The following DNAJC1 variants were observed in gnomAD, a reference collection of about 807,000 sequenced individuals.
DNAJC1 encodes DnaJ heat shock protein family (Hsp40) member C1, also known as dnaJ homolog subfamily C member 1.
DNAJC1 carries 58 observed loss-of-function variants against 76.6 expected under a neutral mutation model. The observed-to-expected ratio is 0.76, with a 90% CI of 0.61 to 0.94. DNAJC1 has a LOEUF of 0.94. Ranked by LOEUF, DNAJC1 falls within the 40% of genes least tolerant of loss-of-function variation. DNAJC1 has a pLI of 0.00. For synonymous variants in DNAJC1, 258 were observed against 267.9 expected (o/e 0.96, Z 0.36); for missense variants, 689 against 677.3 (o/e 1.02, Z -0.19).
rs1836714430 is a variant in DNAJC1 at position 21,904,666 on chromosome 10, A to G, written c.730-54T>C. ...ACATAAAAATCAGTGTGCTTCAATA[A>G]TATTTTCCATGTAACTTAACTTTAA... On this transcript the variant is annotated intron_variant, in intron 6 of 11. Transcript: ENST00000376980. 2.7e-6 allele frequency: 3 copies of G among 1,117,820 alleles called. No homozygotes were observed. The Admixed American group carries it at 6.5e-5, about 24-fold the overall frequency. The allele number at this position is 1,117,820 out of a possible 1,614,324, so 69.2% of individuals were successfully genotyped here.
intron 9 of DNAJC1, among the ~76,000 whole-genome samples, chr10:21,779,853 AT>A (rs775098537): frequency 2.0e-5 from 3 of 152,156 alleles, no homozygotes; most frequent in Non-Finnish European, 2.9e-5. Flanking sequence ...TTGAAAAAAG[AT>A]TAGACGAATG....
At chr10:21,835,382 C>T (rs1047387634) in intron 8 of DNAJC1, among the ~76,000 whole-genome samples, 2 of 152,148 alleles carry the variant, frequency 1.3e-5, no homozygotes, top group Admixed American at 1.3e-4. Context: ...GGGAAAAAAA[C>T]AGAGCAGAAA....
At chr10:21,861,011 A>G (rs1409597229) in intron 8 of DNAJC1, 1 of 152,212 alleles carries the variant, frequency 6.6e-6, no homozygotes, top group Non-Finnish European at 1.5e-5. Context: ...TTCTACAGAT[A>G]AAAACTCCAG....
intron 8 of DNAJC1, among the ~76,000 whole-genome samples, chr10:21,816,790 C>A (rs1292020058): frequency 6.2e-5 from 9 of 144,310 alleles, no homozygotes; most frequent in African/African-American, 1.5e-4. Flanking sequence ...CGTGATCCAC[C>A]CGCCTTGGCC....
chr10:21,766,167 T>C (rs1834297578), intron 10 of DNAJC1, 94 bp downstream of exon 10: 1 of 1,015,678 alleles, frequency 9.8e-7, no homozygotes, highest in South Asian at 1.4e-5. Flanking sequence ...AGGCAAAACT[T>C]CTAGACCCTT....
At chr10:21,827,972 C>T (rs1305763951) in intron 8 of DNAJC1, among the ~76,000 whole-genome samples, 1 of 152,186 alleles carries the variant, frequency 6.6e-6, no homozygotes, top group African/African-American at 2.4e-5. Context: ...GAATTTCTGA[C>T]AGGATATGGG....
At chr10:21,939,786 A>G (rs1837373714) in intron 1 of DNAJC1, among the ~76,000 whole-genome samples, 1 of 152,114 alleles carries the variant, frequency 6.6e-6, no homozygotes, top group Non-Finnish European at 1.5e-5. Flanking sequence ...AATTCCATGT[A>G]ATCTTTCTCA....
intron 8 of DNAJC1, among the ~76,000 whole-genome samples, chr10:21,857,728 T>C (rs1835859796): frequency 1.3e-5 from 2 of 152,110 alleles, no homozygotes; most frequent in South Asian, 4.1e-4. Context: ...TGGTGGTACA[T>C]GCCTGTAGTC....
chr10:21,805,428 TGTTAC>T (rs1834871694), intron 9 of DNAJC1, among the ~76,000 whole-genome samples: 1 of 133,798 alleles, frequency 7.5e-6, no homozygotes. Flanking sequence ...ATCTTTTAAA[TGTTAC>T]GTATGGACAC....
At chr10:21,803,603 GTGTGTGTGTGTGTGTGTGTGTATGTA>G (rs1182314663) in intron 9 of DNAJC1, among the ~76,000 whole-genome samples, 3 of 151,020 alleles carry the variant, frequency 2.0e-5, no homozygotes, top group Admixed American at 1.3e-4. Flanking sequence ...GTGTGTGTGT[GTGTGTGTGTGTGTGTGTGTGTATGTA>G]TGTGTGTGTG....
intron 8 of DNAJC1, among the ~76,000 whole-genome samples, chr10:21,833,845 A>C (rs925604395): frequency 1.3e-5 from 2 of 152,194 alleles, no homozygotes; most frequent in African/African-American, 4.8e-5. Context: ...CCAACAAAAT[A>C]CTATATAATG....
At chr10:21,996,689 G>A (rs1838420720) in intron 1 of DNAJC1, among the ~76,000 whole-genome samples, 1 of 152,038 alleles carries the variant, frequency 6.6e-6, no homozygotes. Context: ...TAGCATAAAA[G>A]GAAAAAGGAA....
intron 1 of DNAJC1, among the ~76,000 whole-genome samples, chr10:21,954,584 T>A (rs1342280008): frequency 1.3e-5 from 2 of 152,204 alleles, no homozygotes; most frequent in Non-Finnish European, 2.9e-5. Flanking sequence ...GTTAACTTAG[T>A]AACTCTCAAC....
intron 10 of DNAJC1, among the ~76,000 whole-genome samples, chr10:21,762,759 A>G (rs980472798): frequency 9.2e-5 from 14 of 152,126 alleles, no homozygotes; most frequent in African/African-American, 3.4e-4. Context: ...ACAGGCCTAC[A>G]CCATCACGCC....
chr10:21,783,744 A>G (rs1204152968), intron 9 of DNAJC1, among the ~76,000 whole-genome samples: 1 of 152,146 alleles, frequency 6.6e-6, no homozygotes, highest in Non-Finnish European at 1.5e-5. Context: ...CAGAAATAAC[A>G]CCACACATCT....
intron 8 of DNAJC1, among the ~76,000 whole-genome samples, chr10:21,851,782 C>A (rs1835758882): frequency 6.6e-6 from 1 of 152,094 alleles, no homozygotes; most frequent in South Asian, 2.1e-4. Flanking sequence ...CGGCCGGGCG[C>A]AGTGGTTCAT....
chr10:21,824,661 C>T (rs1251713838), intron 8 of DNAJC1, among the ~76,000 whole-genome samples: 1 of 152,182 alleles, frequency 6.6e-6, no homozygotes, highest in Admixed American at 6.5e-5. Flanking sequence ...ATCCAGCCCC[C>T]ACTTCCTACC....
chr10:21,839,435 C>A (rs1425668535), intron 8 of DNAJC1, among the ~76,000 whole-genome samples: 2 of 152,172 alleles, frequency 1.3e-5, no homozygotes, highest in Non-Finnish European at 2.9e-5. Flanking sequence ...ACTGATCCCA[C>A]AGAAATACAA....
At chr10:21,901,357 G>A (rs1836649304) in intron 7 of DNAJC1, among the ~76,000 whole-genome samples, 1 of 151,952 alleles carries the variant, frequency 6.6e-6, no homozygotes, top group Non-Finnish European at 1.5e-5. Context: ...TTTCTCATGC[G>A]ATATGGGCTG....
Sources: gnomAD v4.1 joint callset for allele counts (sites outside exome capture counted in the v4.1 genomes callset) on GRCh38, gnomAD v4.1.1 for gene constraint, MANE v1.5 for transcripts, NCBI Gene and HGNC (gene_info 2026-07-23, HGNC 2026-07-21) for gene names.